The following NBEA variants were observed in gnomAD, a reference collection of about 807,000 sequenced individuals.
The protein encoded by NBEA is lysosomal-trafficking regulator 2.
NBEA carries 44 observed loss-of-function variants against 343.4 expected under a neutral mutation model. The ratio of observed to expected loss-of-function variants is 0.13; its 90% CI spans 0.10 to 0.16. The LOEUF (loss-of-function observed/expected upper bound fraction) is 0.16, where lower values mean the gene tolerates loss of function less well. NBEA is among the 10% of genes least tolerant of loss of function. The pLI is 1.00. For synonymous variants in NBEA, 1,175 were observed against 1,238.7 expected (o/e 0.95, Z 1.08); for missense variants, 2,555 against 3,631.3 (o/e 0.70, Z 7.62).
chr13:35,273,773 A>T (rs2034364437), intron 34 of NBEA, among the ~76,000 whole-genome samples: 1 of 152,198 alleles, frequency 6.6e-6, no homozygotes, highest in Admixed American at 6.5e-5. Flanking sequence ...AAAGAAATGG[A>T]TAAATTCCTG....
intron 3 of NBEA, 78 bp downstream of exon 3, chr13:35,045,125 C>G (rs1386666237): frequency 1.5e-6 from 2 of 1,301,080 alleles, no homozygotes; most frequent in Non-Finnish European, 2.1e-6. Context: ...CTCTAGAGAG[C>G]TATATACTTG....
chr13:34,972,131 A>T (rs1341236131), intron 1 of NBEA, among the ~76,000 whole-genome samples: 2 of 151,992 alleles, frequency 1.3e-5, no homozygotes, highest in African/African-American at 4.8e-5. Flanking sequence ...ATATGCATAG[A>T]GGTGTTTATA....
At chr13:35,550,908 G>T (rs2079289311) in intron 42 of NBEA, 22 bp from the exon 43 acceptor site, 3 of 1,482,476 alleles carry the variant, frequency 2.0e-6, no homozygotes, top group South Asian at 1.2e-5. Flanking sequence ...TCTAAACTCT[G>T]TTTTTTTTCT....
intron 1 of NBEA, among the ~76,000 whole-genome samples, chr13:34,964,957 C>G (rs2059773936): frequency 6.6e-6 from 1 of 151,986 alleles, no homozygotes; most frequent in Non-Finnish European, 1.5e-5. Context: ...AGTGTTCTAG[C>G]AATGACTTAT....
intron 41 of NBEA, among the ~76,000 whole-genome samples, chr13:35,541,935 C>T (rs1196925418): frequency 1.3e-5 from 2 of 152,024 alleles, no homozygotes; most frequent in African/African-American, 4.8e-5. Flanking sequence ...ACCATTATTT[C>T]TCCCCATCTT....
At chr13:35,128,422 T>TCAG (rs2067242895) in intron 17 of NBEA, among the ~76,000 whole-genome samples, 2 of 152,046 alleles carry the variant, frequency 1.3e-5, no homozygotes, top group East Asian at 3.9e-4. Context: ...AGAACGAACT[T>TCAG]TAATTCACCT....
Position 35,314,034 on chromosome 13 carries a change from T to A in NBEA, c.5903+4442T>A, listed in dbSNP as rs183759573. On this transcript the variant is annotated intron_variant, in intron 36 of 58. Transcript: ENST00000379939. The stretch of plus-strand genomic sequence containing the variant: ...AAGGCAATATTGACAGCATAAACTC[T>A]CTGAGAGGGGTGCATTGAGATAGAA... Among the ~76,000 whole-genome samples, 98 of 152,160 alleles carry A rather than the reference T, an allele frequency of 6.4e-4. No individual in the cohort carries two copies. The East Asian group carries it at 0.015, about 24-fold the overall frequency.
At chr13:35,215,064 T>A (rs989452661) in intron 33 of NBEA, among the ~76,000 whole-genome samples, 1 of 151,692 alleles carries the variant, frequency 6.6e-6, no homozygotes, top group African/African-American at 2.4e-5. Flanking sequence ...TATATTAAGT[T>A]TTGAAAGAGA....
chr13:35,455,458 C>T (rs2046529972), intron 40 of NBEA, among the ~76,000 whole-genome samples: 1 of 150,652 alleles, frequency 6.6e-6, no homozygotes, highest in Admixed American at 6.6e-5. Context: ...AGGAGCCAGA[C>T]ATCAAAACCA....
intron 35 of NBEA, among the ~76,000 whole-genome samples, chr13:35,302,976 A>G (rs935275452): frequency 1.3e-5 from 2 of 152,198 alleles, no homozygotes; most frequent in African/African-American, 4.8e-5. Flanking sequence ...ATATTGAAAA[A>G]TTGGTATTTC....
intron 45 of NBEA, among the ~76,000 whole-genome samples, chr13:35,575,377 T>C (rs767674831): frequency 6.6e-5 from 10 of 152,188 alleles, no homozygotes; most frequent in Non-Finnish European, 1.3e-4. Context: ...TTTCAAGTCA[T>C]TTAAAGCATT....
intron 10 of NBEA, among the ~76,000 whole-genome samples, chr13:35,094,581 G>A (rs980240338): frequency 2.0e-5 from 3 of 152,036 alleles, no homozygotes; most frequent in Admixed American, 6.6e-5. Context: ...TGAGTTTTTT[G>A]TGTGTCACCG....
At chr13:35,563,798 C>G (rs1258412451) in intron 44 of NBEA, among the ~76,000 whole-genome samples, 1 of 151,424 alleles carries the variant, frequency 6.6e-6, no homozygotes, top group Non-Finnish European at 1.5e-5. Context: ...CTATTGGCAT[C>G]ATTCATTTTG....
At chr13:35,438,948 T>A (rs2045587471) in intron 39 of NBEA, among the ~76,000 whole-genome samples, 1 of 152,208 alleles carries the variant, frequency 6.6e-6, no homozygotes, top group Non-Finnish European at 1.5e-5. Flanking sequence ...GATTGTAGAT[T>A]TTAAACAGAC....
intron 49 of NBEA, among the ~76,000 whole-genome samples, chr13:35,643,225 C>T (rs1183859759): frequency 6.6e-6 from 1 of 151,966 alleles, no homozygotes; most frequent in Non-Finnish European, 1.5e-5. Flanking sequence ...TTCCAAAAGT[C>T]TCTTTCCTAA....
chr13:35,397,860 C>G (rs1398298822), intron 38 of NBEA, among the ~76,000 whole-genome samples: 3 of 152,078 alleles, frequency 2.0e-5, no homozygotes, highest in Non-Finnish European at 4.4e-5. Context: ...AGGGTCTTAC[C>G]TTGATGTTGA....
chr13:35,222,467 A>G (rs1304062429), intron 33 of NBEA, among the ~76,000 whole-genome samples: 1 of 152,062 alleles, frequency 6.6e-6, no homozygotes, highest in Non-Finnish European at 1.5e-5. Context: ...GATATCTACC[A>G]ATTTGGTAAT....
intron 26 of NBEA, among the ~76,000 whole-genome samples, chr13:35,171,665 CT>C (rs1255471541): frequency 6.6e-6 from 1 of 151,988 alleles, no homozygotes; most frequent in African/African-American, 2.4e-5. Context: ...AACTGATCAT[CT>C]TTAATGGTTC....
Position 34,942,770 on chromosome 13 carries a change from A to G in NBEA, c.-51A>G. On this transcript the variant is annotated 5_prime_UTR_variant, in exon 1 of 59. Transcript: ENST00000379939. Reference sequence around the variant, plus strand: ...CGGGGGCCGAGGCAGGTATAACGGTACCGGCGGCGGCAGCGCCGCTGCTCT... The same window carrying G: ...CGGGGGCCGAGGCAGGTATAACGGTGCCGGCGGCGGCAGCGCCGCTGCTCT... The G allele has an allele frequency of 1.5e-6, 2 of 1,291,426 alleles. No individual in the cohort carries two copies. Among genetic ancestry groups the G allele is most frequent in the Non-Finnish European group, 2.0e-6 (2 of 1,016,348 alleles). The allele number at this position is 1,291,426 out of a possible 1,614,324, so 80.0% of individuals were successfully genotyped here. A position where few individuals can be genotyped will look rare whatever the true frequency, so the allele number is the denominator to read the frequency against.
Sources: gnomAD v4.1 joint callset for allele counts (sites outside exome capture counted in the v4.1 genomes callset) on GRCh38, gnomAD v4.1.1 for gene constraint, MANE v1.5 for transcripts, NCBI Gene and HGNC (gene_info 2026-07-23, HGNC 2026-07-21) for gene names.